Variants in EYA2 observed in about 807,000 individuals in gnomAD.
The protein encoded by EYA2 is protein phosphatase EYA2.
A neutral mutation model predicts 69.2 loss-of-function variants in EYA2; 31 were observed. The ratio of observed to expected loss-of-function variants is 0.45; its 90% CI spans 0.34 to 0.60. The LOEUF (loss-of-function observed/expected upper bound fraction) is 0.60. EYA2 is among the 20% of genes least tolerant of loss of function. The pLI, the probability that EYA2 is intolerant of heterozygous loss-of-function variation, is 0.02. For synonymous variants in EYA2, 257 were observed against 279.4 expected (o/e 0.92, Z 0.80); for missense variants, 622 against 701.2 (o/e 0.89, Z 1.28).
At chr20:47,156,890 T>C (rs1274779632) in intron 10 of EYA2, among the ~76,000 whole-genome samples, 1 of 151,822 alleles carries the variant, frequency 6.6e-6, no homozygotes, top group Non-Finnish European at 1.5e-5. Context: ...CTAACGCAAA[T>C]TTGTCAACAA....
intron 1 of EYA2, among the ~76,000 whole-genome samples, chr20:46,948,407 C>CT (rs965553714): frequency 2.0e-5 from 3 of 152,266 alleles, no homozygotes; most frequent in Non-Finnish European, 4.4e-5. Flanking sequence ...CTGGTCTACT[C>CT]TATTTCTTTT....
At chr20:47,110,817 G>A (rs998966145) in intron 9 of EYA2, among the ~76,000 whole-genome samples, 1 of 152,216 alleles carries the variant, frequency 6.6e-6, no homozygotes, top group African/African-American at 2.4e-5. Context: ...ACCCACAAGG[G>A]AGCAGACAGC....
intron 1 of EYA2, among the ~76,000 whole-genome samples, chr20:46,941,948 G>A (rs1280114045): frequency 2.6e-5 from 4 of 151,828 alleles, no homozygotes; most frequent in African/African-American, 9.7e-5. Context: ...TGCAGAGATG[G>A]GATCTCACTA....
In EYA2 at chr20:47,097,094, G is replaced by C; in HGVS notation, c.814G>C (p.Val272Leu). ...AGDNEIERVFVWDLDETIIIF... is the reference protein window; with the variant it reads ...AGDNEIERVFLWDLDETIIIF... ...CTCTCTTTCATCACAGCGTGTGTTC[G>C]TGTGGGACTTGGATGAGACAATAAT... The change falls in exon 9 of 16, where the codon GTG (valine) becomes CTG (leucine). Residue 272 changes from valine (V) to leucine (L), a missense_variant. Transcript: ENST00000327619. 1.2e-6 allele frequency: 2 copies of C among 1,609,274 alleles called. No individual in the cohort carries two copies. Among genetic ancestry groups the C allele is most frequent in the Non-Finnish European group, 1.7e-6 (2 of 1,178,182 alleles).
chr20:46,966,628 G>A (rs1979799468), intron 1 of EYA2, among the ~76,000 whole-genome samples: 1 of 152,138 alleles, frequency 6.6e-6, no homozygotes, highest in South Asian at 2.1e-4. Flanking sequence ...CTAACACGGT[G>A]AAACCCTGTC....
chr20:47,095,527 G>T (rs2146516100), intron 8 of EYA2, among the ~76,000 whole-genome samples: 1 of 152,048 alleles, frequency 6.6e-6, no homozygotes, highest in African/African-American at 2.4e-5. Context: ...ACCATACCCA[G>T]ATATATCTTC....
intron 5 of EYA2, among the ~76,000 whole-genome samples, chr20:47,053,925 C>T (rs1217963295): frequency 6.6e-6 from 1 of 151,906 alleles, no homozygotes; most frequent in Non-Finnish European, 1.5e-5. Context: ...AGGCGGACTG[C>T]TGCAGTCAGC....
At chr20:47,063,561 C>G (rs1199284624) in intron 5 of EYA2, among the ~76,000 whole-genome samples, 1 of 152,136 alleles carries the variant, frequency 6.6e-6, no homozygotes, top group Non-Finnish European at 1.5e-5. Flanking sequence ...GAATCAGAGG[C>G]TACTCCCTTT....
chr20:46,899,428 G>T (rs1983982472), intron 1 of EYA2, among the ~76,000 whole-genome samples: 1 of 152,184 alleles, frequency 6.6e-6, no homozygotes, highest in African/African-American at 2.4e-5. Context: ...GTATGGTTCT[G>T]TAAAGGAAAA....
chr20:47,143,523 T>C (rs2033640128), intron 10 of EYA2, among the ~76,000 whole-genome samples: 1 of 152,202 alleles, frequency 6.6e-6, no homozygotes, highest in South Asian at 2.1e-4. Flanking sequence ...GGGTCAGTAA[T>C]AATTAGCAGT....
At chr20:46,934,213 A>G (rs1280795295) in intron 1 of EYA2, among the ~76,000 whole-genome samples, 3 of 152,242 alleles carry the variant, frequency 2.0e-5, no homozygotes, top group Admixed American at 6.5e-5. Context: ...TAATTGGCTC[A>G]TGAAACTGAA....
At chr20:46,939,399 G>A (rs1331042817) in intron 1 of EYA2, among the ~76,000 whole-genome samples, 4 of 152,044 alleles carry the variant, frequency 2.6e-5, no homozygotes, top group Admixed American at 2.0e-4. Flanking sequence ...TGATAGAGAT[G>A]GGGGGAGGGG....
At chr20:46,995,817 C>T (rs1020793923) in intron 2 of EYA2, among the ~76,000 whole-genome samples, 1 of 152,196 alleles carries the variant, frequency 6.6e-6, no homozygotes. Context: ...AGTGGCTTAA[C>T]CAAGGGCCCC....
At chr20:47,166,868 A>T (rs992322925) in intron 10 of EYA2, 2 of 152,372 alleles carry the variant, frequency 1.3e-5, no homozygotes, top group African/African-American at 2.4e-5. Flanking sequence ...TGGATCCAGG[A>T]TCCAGGCCCA....
At chr20:47,095,301 G>C (rs4809623) in intron 8 of EYA2, among the ~76,000 whole-genome samples, 48 of 151,838 alleles carry the variant, frequency 3.2e-4, no homozygotes, top group African/African-American at 1.1e-3. Flanking sequence ...AGATCAAAAA[G>C]ACAGATTTAT....
intron 1 of EYA2, among the ~76,000 whole-genome samples, chr20:46,972,364 T>C (rs1368835170): frequency 6.6e-6 from 1 of 152,252 alleles, no homozygotes; most frequent in Non-Finnish European, 1.5e-5. Flanking sequence ...AAGGTAGTTT[T>C]CCTAATTATT....
intron 5 of EYA2, among the ~76,000 whole-genome samples, chr20:47,047,595 C>T (rs1262846148): frequency 6.6e-6 from 1 of 152,118 alleles, no homozygotes; most frequent in African/African-American, 2.4e-5. Flanking sequence ...CCATGTTGGC[C>T]AGGCTGGTCT....
chr20:47,167,685 T>C (rs2034229811), intron 10 of EYA2, among the ~76,000 whole-genome samples: 1 of 152,006 alleles, frequency 6.6e-6, no homozygotes, highest in African/African-American at 2.4e-5. Flanking sequence ...CCAGTCACCC[T>C]CTCCTTTCTG....
At chr20:46,903,042 G>A (rs1305609655) in intron 1 of EYA2, among the ~76,000 whole-genome samples, 2 of 152,206 alleles carry the variant, frequency 1.3e-5, no homozygotes, top group African/African-American at 2.4e-5. Flanking sequence ...TTGACACATT[G>A]CACAGTGATA....
Sources: allele counts gnomAD v4.1 joint callset (sites outside exome capture counted in the v4.1 genomes callset), GRCh38; gene constraint gnomAD v4.1.1; transcripts MANE v1.5; gene names NCBI Gene and HGNC (gene_info 2026-07-23, HGNC 2026-07-21).